Variants in PARP10 observed in about 807,000 individuals in gnomAD.
PARP10 encodes protein mono-ADP-ribosyltransferase PARP10.
A neutral mutation model predicts 82.4 loss-of-function variants in PARP10; 56 were observed. The ratio of observed to expected loss-of-function variants is 0.68; its 90% confidence interval spans 0.55 to 0.85. PARP10 has a LOEUF of 0.85. PARP10 is among the 40% of genes least tolerant of loss of function. The pLI is 0.00. For synonymous variants in PARP10, 576 were observed against 601.1 expected (o/e 0.96, Z 0.61); for missense variants, 1,227 against 1,379.4 (o/e 0.89, Z 1.75).
rs1564248530 is a variant in PARP10, at chr8:143,981,386, GTGATGGTGATGA to G, written c.2556+1534_2556+1545del. On this transcript the variant is annotated intron_variant, in intron 9 of 10. Transcript: ENST00000313028. ...GTGGTGACGACAGTGAGTGGTGAAG[GTGATGGTGATGA>G]TGGTGGTGACGACAGTGAGTGGTGA... 3.3e-3 allele frequency among the ~76,000 whole-genome samples: 285 copies of G among 85,748 alleles called. 1 individual carries two copies. The highest frequency in any genetic ancestry group is 5.4e-3 in the Middle Eastern group (1 of 186). 56.3% of individuals were successfully genotyped at this position (85,748 alleles called of 152,430 possible).
chr8:143,984,229 A>AACGTGGCTGTGGCCAGGCGCTCTGTCCC lies in PARP10; in HGVS notation c.1633_1660dup (p.Leu554TrpfsTer15). Reference sequence around the variant, plus strand: ...CTCTACCTCTTCAAGGCCTGTGTCCAACGTGGCTGTGGCCAGGCGCTCTGT... The same window carrying AACGTGGCTGTGGCCAGGCGCTCTGTCCC: ...CTCTACCTCTTCAAGGCCTGTGTCCAACGTGGCTGTGGCCAGGCGCTCTGTCCCACGTGGCTGTGGCCAGGCGCTCTGT... On this transcript the variant is annotated frameshift_variant, in exon 6 of 11. Transcript: ENST00000313028. LOFTEE classifies it high-confidence loss of function. The AACGTGGCTGTGGCCAGGCGCTCTGTCCC allele has an allele frequency of 1.2e-6, 2 of 1,613,858 alleles. No homozygotes were observed. The highest frequency in any genetic ancestry group is 1.7e-6 in the Non-Finnish European group (2 of 1,179,806).
chr8:144,011,037 G>A lies in PARP10; in HGVS notation c.-80+1493C>T, dbSNP rs868942969. ...TAGCTATTAATCACGTCTATTAGAC[G>A]TCTAATAGACGTGATTAATAGCTAC... On this transcript the variant is annotated intron_variant, in intron 1 of 3. Transcript: ENST00000530478. The surrounding 1 kb of genome is among the most constrained non-coding windows in gnomAD (Gnocchi z 4.5). 6.6e-6 allele frequency among the ~76,000 whole-genome samples: 1 copy of A among 151,616 alleles called. No individual in the cohort carries two copies. Among genetic ancestry groups the A allele is most frequent in the East Asian group, 1.9e-4 (1 of 5,158 alleles).
chr8:144,000,315 C>T (rs1354180577), intron 1 of PARP10, among the ~76,000 whole-genome samples: 1 of 152,160 alleles, frequency 6.6e-6, no homozygotes, highest in African/African-American at 2.4e-5. Flanking sequence ...ACCACAGACA[C>T]ACACACACAG....
At chr8:143,992,927 C>T (rs890066464), upstream of PARP10, 1 of 1,162,916 alleles carries the variant, frequency 8.6e-7, no homozygotes, top group Admixed American at 2.1e-5. Context: ...TGTACTTCCC[C>T]TCTCTCTTGT....
At chr8:143,999,901 G>C (rs1411048966) in intron 1 of PARP10, among the ~76,000 whole-genome samples, 1 of 152,148 alleles carries the variant, frequency 6.6e-6, no homozygotes, top group Non-Finnish European at 1.5e-5. Context: ...AGAATGGATA[G>C]AGAACAAAGT....
intron 9 of PARP10, among the ~76,000 whole-genome samples, chr8:143,981,380 GTGAAGGTGATGGTGATGA>G (rs1554747694): frequency 6.8e-5 from 7 of 103,682 alleles, no homozygotes; most frequent in Admixed American, 9.5e-5. Context: ...ACAGTGAGTG[GTGAAGGTGATGGTGATGA>G]TGGTGGTGAC....
chr8:143,986,012 A>C (rs1833982076), intron 2 of PARP10, 37 bp from the exon 3 acceptor site: 5 of 1,605,976 alleles, frequency 3.1e-6, no homozygotes, highest in Non-Finnish European at 4.3e-6. Flanking sequence ...CAGGCATTAG[A>C]ATATCAGGGC....
upstream of PARP10, chr8:143,989,540 C>T (rs1554750121): frequency 1.3e-5 from 2 of 152,172 alleles, no homozygotes; most frequent in African/African-American, 2.4e-5. This position sits in a 1 kb window ranked among gnomAD's most constrained non-coding sequence, Gnocchi z 4.3. Context: ...TTATCCATGG[C>T]ATGCCTGTAT....
chr8:144,003,846 T>G (rs1291785773), intron 1 of PARP10, among the ~76,000 whole-genome samples: 1 of 151,060 alleles, frequency 6.6e-6, no homozygotes, highest in African/African-American at 2.4e-5. Flanking sequence ...GGCAACATAG[T>G]AAGGCCCCAT....
In PARP10 at chr8:143,985,460, G is replaced by C; in HGVS notation, c.625C>G (p.Arg209Gly). The C allele has an allele frequency of 6.2e-7, 1 of 1,612,838 alleles. No homozygotes were observed. Reference protein sequence around the residue: ...SGGGPLEDLQRLPGPLGTVAS... With the variant: ...SGGGPLEDLQGLPGPLGTVAS... The stretch of plus-strand genomic sequence containing the variant: ...ACAGTGCCCAGGGGCCCGGGTAGGC[G>C]TTGCAGGTCCTCCAGGGGCCCCCCA... Residue 209 changes from arginine (R) to glycine (G), a missense_variant, in exon 4 of 11, where the codon CGC (arginine) becomes GGC (glycine). Arg to Gly is a moderately radical substitution (Grantham distance 125). Coordinates refer to ENST00000313028, the MANE Select transcript of PARP10 (RefSeq NM_032789.5).
chr8:143,998,106 C>T (rs1166932164), intron 1 of PARP10, among the ~76,000 whole-genome samples: 1 of 152,018 alleles, frequency 6.6e-6, no homozygotes, highest in Non-Finnish European at 1.5e-5. Context: ...ACAAAATATT[C>T]TAAAACACTT....
chr8:143,997,927 G>A (rs782661512), intron 1 of PARP10, among the ~76,000 whole-genome samples: 1 of 151,864 alleles, frequency 6.6e-6, no homozygotes, highest in Non-Finnish European at 1.5e-5. Context: ...GGGACTATAG[G>A]TGCCCCACCA....
rs782142163 is a variant in PARP10, at chr8:143,977,476, C to T, written c.*8G>A. ...GGGAAGCAGGAGGCCAGAGGGTGGC[C>T]CCTTCGGTTAAGTGTCTGGGGAGCG... On this transcript the variant is annotated 3_prime_UTR_variant, in exon 11 of 11. Transcript: ENST00000313028. 6 of 1,535,910 alleles carry T rather than the reference C, an allele frequency of 3.9e-6. No individual in the cohort carries two copies. The highest frequency in any genetic ancestry group is 5.3e-6 in the Non-Finnish European group (6 of 1,138,868).
At chr8:144,006,302 C>T (rs544281973) in intron 1 of PARP10, among the ~76,000 whole-genome samples, 12 of 152,374 alleles carry the variant, frequency 7.9e-5, no homozygotes, top group Admixed American at 7.8e-4. Context: ...CATGCATCAC[C>T]GCATCTCACA....
At chr8:143,991,193 T>C, upstream of PARP10, 1 of 1,518,810 alleles carries the variant, frequency 6.6e-7, no homozygotes, top group Non-Finnish European at 8.8e-7. Context: ...TTGTCTGTCT[T>C]CTCTAGGGGC....
chr8:143,988,521 G>A (rs1400020636), upstream of PARP10, among the ~76,000 whole-genome samples: 1 of 148,900 alleles, frequency 6.7e-6, no homozygotes, highest in Non-Finnish European at 1.5e-5. Flanking sequence ...GCTGGAGTGC[G>A]GTGGCACGAT....
chr8:143,980,318 T>TAA (rs1564247548), intron 9 of PARP10, among the ~76,000 whole-genome samples: 6 of 15,680 alleles, frequency 3.8e-4, no homozygotes, highest in African/African-American at 8.3e-4. Context: ...AGATTCCGTC[T>TAA]CAAAAAAAAA....
chr8:143,986,892 A>G (rs1241639360), upstream of PARP10: 3 of 171,100 alleles, frequency 1.8e-5, no homozygotes, highest in African/African-American at 7.2e-5. Context: ...AACCTTCTCA[A>G]CCCTGCTCCT....
upstream of PARP10, chr8:143,991,560 C>T: frequency 6.3e-7 from 1 of 1,588,686 alleles, no homozygotes; most frequent in Non-Finnish European, 8.6e-7. Context: ...CCCCCCCAAC[C>T]CCTATGGACA....
Sources: gnomAD v4.1 joint callset for allele counts (sites outside exome capture counted in the v4.1 genomes callset) on GRCh38, gnomAD v4.1.1 for gene constraint, Gnocchi (gnomAD v3.1) non-coding constraint, MANE v1.5 for transcripts, NCBI Gene and HGNC (gene_info 2026-07-23, HGNC 2026-07-21) for gene names.